The following TTC7A variants were observed in gnomAD, a reference collection of about 807,000 sequenced individuals.
TTC7A encodes tetratricopeptide repeat domain 7A.
A neutral mutation model predicts 103.7 loss-of-function variants in TTC7A; 110 were observed. That is an observed-to-expected ratio of 1.06 (90% confidence interval 0.91 to 1.24). TTC7A has a LOEUF of 1.24. Ranked by LOEUF, TTC7A falls within the 50% of genes most tolerant of loss-of-function variation. The pLI, the probability that TTC7A is intolerant of heterozygous loss-of-function variation, is 0.00. For missense variants in TTC7A, 1,340 were observed against 1,116.3 expected, an observed-to-expected ratio of 1.20 and a Z score of -2.86; for synonymous variants, 521 against 467.9, an observed-to-expected ratio of 1.11 and a Z score of -1.47.
intron 5 of TTC7A, among the ~76,000 whole-genome samples, chr2:46,989,820 C>CTGTGTG (rs10650352): frequency 2.9e-4 from 40 of 137,584 alleles, no homozygotes; most frequent in African/African-American, 7.9e-4. Flanking sequence ...GTGTGTGCAT[C>CTGTGTG]TGTGTGTGTG....
chr2:47,073,626 C>A, intron 19 of TTC7A, 76 bp from the exon 20 acceptor site: 2 of 1,312,756 alleles, frequency 1.5e-6, no homozygotes, highest in South Asian at 1.3e-5. Context: ...ACCCGTGCAC[C>A]TGTGCTTGGC....
intron 8 of TTC7A, among the ~76,000 whole-genome samples, chr2:47,003,104 T>C (rs906504833): frequency 5.3e-5 from 8 of 152,294 alleles, no homozygotes; most frequent in Admixed American, 5.2e-4. Context: ...TCAGACACTG[T>C]TCTCTTAAAG....
intron 5 of TTC7A, among the ~76,000 whole-genome samples, chr2:46,985,231 T>TA (rs1316647539): frequency 2.6e-5 from 4 of 152,120 alleles, no homozygotes; most frequent in African/African-American, 9.7e-5. Flanking sequence ...TTTTGGTCCT[T>TA]ACAGCCAGGA....
At chr2:47,055,731 C>T (rs1273568550) in intron 18 of TTC7A, among the ~76,000 whole-genome samples, 1 of 152,134 alleles carries the variant, frequency 6.6e-6, no homozygotes, top group Non-Finnish European at 1.5e-5. Context: ...AGTCTCAGCT[C>T]CCCAGTGCCA....
intron 15 of TTC7A, among the ~76,000 whole-genome samples, chr2:47,038,049 G>C (rs1681307298): frequency 1.3e-5 from 2 of 152,048 alleles, no homozygotes; most frequent in African/African-American, 4.8e-5. Flanking sequence ...TCAGGAGTTT[G>C]AGACCAGCCT....
chr2:47,018,994 G>A (rs1450893717), intron 11 of TTC7A, among the ~76,000 whole-genome samples: 1 of 152,166 alleles, frequency 6.6e-6, no homozygotes, highest in African/African-American at 2.4e-5. Context: ...GCTGATTCCG[G>A]AGTTGGGTGG....
intron 6 of TTC7A, chr2:46,994,101 T>C: frequency 2.1e-6 from 1 of 471,372 alleles, no homozygotes; most frequent in Non-Finnish European, 3.7e-6. Flanking sequence ...GAGGAAATGC[T>C]CCTCTTGTCT....
rs371584761 is a variant in TTC7A, at chr2:47,011,452, G to C, written c.1392+17G>C. 1.3e-6 allele frequency: 2 copies of C among 1,595,394 alleles called. No homozygotes were observed. The highest frequency in any genetic ancestry group is 4.5e-5 in the East Asian group (2 of 44,636). ...CTTCGCTGGGTGAGTGAGCTGTGAG[G>C]GCAGGTCCCAGAGGCCTCCTGTGGG... On this transcript the variant is annotated intron_variant, in intron 11 of 19. Coordinates refer to ENST00000319190, the MANE Select transcript of TTC7A (RefSeq NM_020458.4).
chr2:46,920,348 G>C (rs1038377513), intron 2 of TTC7A, among the ~76,000 whole-genome samples: 1 of 150,222 alleles, frequency 6.7e-6, no homozygotes. Flanking sequence ...CCTTTTTTTT[G>C]AGACAGAGTC....
chr2:47,014,331 G>A (rs1678403454), intron 11 of TTC7A, among the ~76,000 whole-genome samples: 2 of 152,172 alleles, frequency 1.3e-5, no homozygotes, highest in Admixed American at 1.3e-4. Flanking sequence ...TCTGTATTTG[G>A]TTTGGGGGTT....
At chr2:46,966,992 C>T (rs1041298682) in intron 3 of TTC7A, among the ~76,000 whole-genome samples, 1 of 151,394 alleles carries the variant, frequency 6.6e-6, no homozygotes, top group East Asian at 1.9e-4. Flanking sequence ...GCGGGTGGAT[C>T]ACCTGAGGTC....
chr2:46,918,290 C>A (rs1335639350), intron 2 of TTC7A, among the ~76,000 whole-genome samples: 1 of 152,176 alleles, frequency 6.6e-6, no homozygotes, highest in Non-Finnish European at 1.5e-5. Flanking sequence ...ATCCCTTTAC[C>A]TTTAAATCCT....
intron 3 of TTC7A, among the ~76,000 whole-genome samples, chr2:46,960,454 CCTCTGATGTATGT>C (rs1429446799): frequency 3.3e-5 from 5 of 152,184 alleles, no homozygotes; most frequent in South Asian, 2.1e-4. Context: ...GGAAGCTGAG[CCTCTGATGTATGT>C]CTCTGATGTA....
chr2:47,025,781 C>A (rs778587651), intron 14 of TTC7A, among the ~76,000 whole-genome samples: 1 of 152,150 alleles, frequency 6.6e-6, no homozygotes, highest in Non-Finnish European at 1.5e-5. Context: ...TCCCTCCATC[C>A]TCCTCCACCT....
In TTC7A at chr2:46,994,421, C is replaced by G. The variant is rs769792694; in HGVS notation, c.908C>G (p.Pro303Arg). Residue 303 changes from proline to arginine, a missense_variant, in exon 7 of 20, where the codon CCC becomes CGC. Transcript: ENST00000319190. ...CTGAGTGAGGAGTGCTACTGGAGCC[C>G]CCTGTCCCACCCTCTGCCTGAGTTC... The part of the protein sequence containing the change: ...HSLSEECYWS[P>R]LSHPLPEFMG... 3.7e-6 allele frequency: 6 copies of G among 1,613,900 alleles called. No individual in the cohort carries two copies. In the African/African-American group the frequency reaches 5.3e-5, roughly 14 times the overall value.
chr2:46,953,360 GC>G (rs1671569381), intron 2 of TTC7A, among the ~76,000 whole-genome samples: 1 of 152,166 alleles, frequency 6.6e-6, no homozygotes. Flanking sequence ...TTGTCATATT[GC>G]TCAGGCTGGT....
intron 19 of TTC7A, among the ~76,000 whole-genome samples, chr2:47,063,435 C>T (rs1399667563): frequency 6.6e-6 from 1 of 152,246 alleles, no homozygotes; most frequent in African/African-American, 2.4e-5. Flanking sequence ...AAGATGTGAT[C>T]TTGGAATCTT....
intron 1 of TTC7A, among the ~76,000 whole-genome samples, chr2:46,942,488 A>G (rs1224004203): frequency 2.0e-5 from 3 of 152,196 alleles, no homozygotes; most frequent in Non-Finnish European, 4.4e-5. Context: ...ACAGATATAA[A>G]TAATTTTTAA....
chr2:46,961,145 G>C (rs1672334447), intron 3 of TTC7A, among the ~76,000 whole-genome samples: 1 of 152,208 alleles, frequency 6.6e-6, no homozygotes, highest in Admixed American at 6.5e-5. Context: ...AAACATGTCA[G>C]ATCAGGGGAA....
Sources: allele counts gnomAD v4.1 joint callset (sites outside exome capture counted in the v4.1 genomes callset), GRCh38; gene constraint gnomAD v4.1.1; transcripts MANE v1.5; gene names NCBI Gene and HGNC (gene_info 2026-07-23, HGNC 2026-07-21).